Variants in RBM33 observed in about 807,000 individuals in gnomAD.
RBM33 encodes the protein RNA-binding protein 33.
In RBM33, 28 loss-of-function variants were observed where a neutral mutation model predicts 132.6. That is an observed-to-expected ratio of 0.21 (90% CI 0.16 to 0.29). The LOEUF (loss-of-function observed/expected upper bound fraction) is 0.29, where lower values mean the gene tolerates loss of function less well. Among genes scored for constraint, RBM33 ranks in the 10% least tolerant of loss-of-function variants. The pLI, the probability that RBM33 is intolerant of heterozygous loss-of-function variation, is 1.00. For missense variants in RBM33, 1,291 were observed against 1,518.5 expected, an observed-to-expected ratio of 0.85 and a Z score of 2.49; for synonymous variants, 634 against 593.0, an observed-to-expected ratio of 1.07 and a Z score of -1.01.
At chr7:155,710,026 C>T (rs1800235171) in intron 7 of RBM33, among the ~76,000 whole-genome samples, 5 of 152,200 alleles carry the variant, frequency 3.3e-5, no homozygotes, top group Admixed American at 2.0e-4. Context: ...TCTTTACCCT[C>T]GTTCATCTCA....
intron 9 of RBM33, among the ~76,000 whole-genome samples, chr7:155,725,080 G>T (rs1385167320): frequency 6.6e-6 from 1 of 151,328 alleles, no homozygotes; most frequent in African/African-American, 2.4e-5. Context: ...AAATGCCTAG[G>T]AGTGGATTGT....
intron 13 of RBM33, among the ~76,000 whole-genome samples, chr7:155,744,081 C>T (rs1040907630): frequency 2.0e-5 from 3 of 152,124 alleles, no homozygotes; most frequent in Non-Finnish European, 2.9e-5. Context: ...GGGCACCAGC[C>T]GACTCCTCAG....
intron 9 of RBM33, among the ~76,000 whole-genome samples, chr7:155,720,188 T>G (rs1800577972): frequency 6.6e-6 from 1 of 152,214 alleles, no homozygotes; most frequent in African/African-American, 2.4e-5. Context: ...ATAGTTGGGC[T>G]AGAAATGAGC....
In RBM33 at chr7:155,665,042, A is replaced by G. The variant is rs138657946; in HGVS notation, c.44-133A>G. On this transcript the variant is annotated intron_variant, in intron 1 of 17. Transcript: ENST00000401878. ...TTAAAAATGGCTAAAGTAAAATGATAGTTACATATGAAACTTTTGTAATTT... is the reference window on the plus strand; with the variant it reads ...TTAAAAATGGCTAAAGTAAAATGATGGTTACATATGAAACTTTTGTAATTT... The G allele has an allele frequency of 7.4e-5, 46 of 625,804 alleles. No individual in the cohort carries two copies. The East Asian group carries it at 1.4e-3, about 18-fold the overall frequency. The allele number at this position is 625,804 out of a possible 1,614,324, so 38.8% of individuals were successfully genotyped here.
rs374766625 is a variant in RBM33 at position 155,707,481 on chromosome 7, C to G, written c.948+413C>G. On this transcript the variant is annotated intron_variant, in intron 7 of 17. Coordinates refer to ENST00000401878, the MANE Select transcript of RBM33 (RefSeq NM_053043.3). ...ATATCTTTACCTTTTTACTGTTTACCATAGATTTTTTCCTTAAATGGCAGT... is the reference window on the plus strand; with the variant it reads ...ATATCTTTACCTTTTTACTGTTTACGATAGATTTTTTCCTTAAATGGCAGT... 22 of 335,522 alleles carry G rather than the reference C, an allele frequency of 6.6e-5. 1 individual carries two copies. The East Asian group carries it at 1.2e-3, about 18-fold the overall frequency. 20.8% of individuals were successfully genotyped at this position (335,522 alleles called of 1,614,324 possible).
rs577680049 is a variant in RBM33, at chr7:155,771,824, C to G, written c.3376-2735C>G. ...CTGTGATCATGATTCACTGCAACCT[C>G]CACCTGCTGGGCTCAAGGGATCCTT... On this transcript the variant is annotated intron_variant, in intron 16 of 17. Coordinates refer to ENST00000401878, the MANE Select transcript of RBM33 (RefSeq NM_053043.3). Among the ~76,000 whole-genome samples the G allele has an allele frequency of 2.0e-5, 3 of 152,218 alleles. No individual in the cohort carries two copies. In the East Asian group the frequency reaches 5.8e-4, roughly 29 times the overall value.
chr7:155,779,146 C>T lies in RBM33; in HGVS notation c.*4105C>T, dbSNP rs1290474510. The T allele has an allele frequency of 2.6e-5, 4 of 151,400 alleles. No homozygotes were observed. Among genetic ancestry groups the T allele is most frequent in the South Asian group, 2.1e-4 (1 of 4,776 alleles). The allele number at this position is 151,400 out of a possible 1,614,324, so 9.4% of individuals were successfully genotyped here. A position where few individuals can be genotyped will look rare whatever the true frequency, so the allele number is the denominator to read the frequency against. The stretch of plus-strand genomic sequence containing the variant: ...GGCCTCAGCTATGGCTTGACGTAAT[C>T]GCTTTTAGACCCAGGTTGGCTTCCC... On this transcript the variant is annotated 3_prime_UTR_variant, in exon 18 of 18. Transcript: ENST00000401878.
At chr7:155,705,585 T>C (rs1415811654) in intron 6 of RBM33, among the ~76,000 whole-genome samples, 9 of 152,304 alleles carry the variant, frequency 5.9e-5, no homozygotes, top group Admixed American at 2.6e-4. Context: ...TCTGGTAATA[T>C]TGAAAGCGTA....
intron 15 of RBM33, 103 bp from the exon 16 acceptor site, chr7:155,766,364 A>G: frequency 2.4e-6 from 3 of 1,271,358 alleles, no homozygotes; most frequent in Non-Finnish European, 2.2e-6. Flanking sequence ...AGCTCATGGT[A>G]TATTTTAATG....
rs1050647087 is a variant in RBM33, at chr7:155,745,728, C to T, written c.2979+126C>T. The T allele has an allele frequency of 5.6e-5, 53 of 939,406 alleles. No individual in the cohort carries two copies. The Middle Eastern group carries it at 9.9e-4, about 17-fold the overall frequency. The allele number at this position is 939,406 out of a possible 1,614,324, so 58.2% of individuals were successfully genotyped here. A position where few individuals can be genotyped will look rare whatever the true frequency, so the allele number is the denominator to read the frequency against. ...TCTGTTATAGTCTTGTAACCAATCT[C>T]TACCTACTTGAAGTTGGTATAAGAA... On this transcript the variant is annotated intron_variant, in intron 14 of 17. Coordinates refer to ENST00000401878, the MANE Select transcript of RBM33 (RefSeq NM_053043.3). The surrounding 1 kb of genome is among the most constrained non-coding windows in gnomAD (Gnocchi z 4.1).
At chr7:155,712,249 A>T (rs1423289498) in intron 8 of RBM33, among the ~76,000 whole-genome samples, 1 of 152,210 alleles carries the variant, frequency 6.6e-6, no homozygotes, top group East Asian at 1.9e-4. Context: ...AGTTGTTGTA[A>T]TCAAATAAAT....
In RBM33 at chr7:155,741,987, G is replaced by A. The variant is rs746156964; in HGVS notation, c.2218G>A (p.Ala740Thr). ...PSAQVKPIVS[A>T]SPPSRAVAGS... Reference sequence around the variant, plus strand: ...AGCACAAGTGAAACCTATCGTCAGCGCGTCACCACCCTCGCGGGCCGTGGC... The same window carrying A: ...AGCACAAGTGAAACCTATCGTCAGCACGTCACCACCCTCGCGGGCCGTGGC... Residue 740 changes from alanine (A) to threonine (T), a missense_variant, in exon 13 of 18, where the codon GCG becomes ACG. Transcript: ENST00000401878. The A allele has an allele frequency of 3.1e-6, 5 of 1,613,986 alleles. No individual in the cohort carries two copies. The highest frequency in any genetic ancestry group is 4.2e-6 in the Non-Finnish European group (5 of 1,179,894).
rs531491500 is a variant in RBM33, at chr7:155,760,192, T to C, written c.2980-3620T>C. ...AAGCTGAACAAGAGATTCACTGGGG[T>C]CTAAACCACTGGCTTCTCTCAAGCA... On this transcript the variant is annotated intron_variant, in intron 14 of 17. Coordinates refer to ENST00000401878, the MANE Select transcript of RBM33 (RefSeq NM_053043.3). Among the ~76,000 whole-genome samples, 27 of 152,292 alleles carry C rather than the reference T, an allele frequency of 1.8e-4. No individual in the cohort carries two copies. The South Asian group carries it at 5.2e-3, about 29-fold the overall frequency.
In RBM33 at chr7:155,665,377, C is replaced by G. The variant is rs1798774368; in HGVS notation, c.122+124C>G. ...ACCTGGCGCTCTCTCTTGAGTGGGG[C>G]TGTCCCTCCTGAGCTAAAGTGAAGC... is the stretch of plus-strand genomic sequence containing the variant. On this transcript the variant is annotated intron_variant, in intron 2 of 17. Coordinates refer to ENST00000401878, the MANE Select transcript of RBM33 (RefSeq NM_053043.3). 3.9e-6 allele frequency: 3 copies of G among 762,830 alleles called. No individual in the cohort carries two copies. The Admixed American group carries it at 6.3e-5, about 16-fold the overall frequency. 47.3% of individuals were successfully genotyped at this position (762,830 alleles called of 1,614,324 possible). A position where few individuals can be genotyped will look rare whatever the true frequency, so the allele number is the denominator to read the frequency against.
chr7:155,772,620 A>G lies in RBM33; in HGVS notation c.3376-1939A>G, dbSNP rs115124410. On this transcript the variant is annotated intron_variant, in intron 16 of 17. Transcript: ENST00000401878. Reference sequence around the variant, plus strand: ...TGTTAACTTAATGACAAGTGAAACTATCAAATTTCTTTTGTATTCATTTTT... The same window carrying G: ...TGTTAACTTAATGACAAGTGAAACTGTCAAATTTCTTTTGTATTCATTTTT... Among the ~76,000 whole-genome samples, 693 of 152,334 alleles carry G rather than the reference A, an allele frequency of 4.5e-3. 9 individuals are homozygous for G. Among genetic ancestry groups the G allele is most frequent in the African/African-American group, 0.016 (651 of 41,580 alleles).
intron 5 of RBM33, among the ~76,000 whole-genome samples, chr7:155,681,528 A>C (rs928737728): frequency 6.6e-6 from 1 of 152,054 alleles, no homozygotes; most frequent in Non-Finnish European, 1.5e-5. Flanking sequence ...AAAATGTACT[A>C]GTGTAAGATT....
rs1464015452 is a variant in RBM33, at chr7:155,777,546, A to C, written c.*2505A>C. On this transcript the variant is annotated 3_prime_UTR_variant, in exon 18 of 18. Coordinates refer to ENST00000401878, the MANE Select transcript of RBM33 (RefSeq NM_053043.3). ...AGGTGTTTGGTATGCTGCTCACGTG[A>C]AGTCAGCCCACACCAGCCAAACCCT... is the stretch of plus-strand genomic sequence containing the variant. 6.6e-6 allele frequency: 1 copy of C among 152,344 alleles called. No homozygotes were observed. The highest frequency in any genetic ancestry group is 2.4e-5 in the African/African-American group (1 of 41,458). 9.4% of individuals were successfully genotyped at this position (152,344 alleles called of 1,614,324 possible). A position where few individuals can be genotyped will look rare whatever the true frequency, so the allele number is the denominator to read the frequency against.
chr7:155,694,554 G>T (rs1230268166), intron 5 of RBM33, among the ~76,000 whole-genome samples: 1 of 152,192 alleles, frequency 6.6e-6, no homozygotes, highest in East Asian at 1.9e-4. Context: ...GGTTGATAAG[G>T]AACAGTTCCA....
chr7:155,738,368 C>T lies in RBM33; in HGVS notation c.1702C>T (p.Pro568Ser). Residue 568 changes from proline (P) to serine (S), a missense_variant, in exon 11 of 18, where the codon CCG becomes TCG. By Grantham distance (74) the Pro-to-Ser change is moderately conservative. Transcript: ENST00000401878. ...GCCGTTCCTGCCAGGCCCAGGACAGCCGTTTCTGCCCACACACACACAGCC... is the reference window on the plus strand; with the variant it reads ...GCCGTTCCTGCCAGGCCCAGGACAGTCGTTTCTGCCCACACACACACAGCC... ...RQPFLPGPGQPFLPTHTQPNL... is the reference protein window; with the variant it reads ...RQPFLPGPGQSFLPTHTQPNL... The T allele has an allele frequency of 1.2e-6, 2 of 1,613,844 alleles. No homozygotes were observed. The highest frequency in any genetic ancestry group is 1.7e-6 in the Non-Finnish European group (2 of 1,179,780).
Sources: gnomAD v4.1 joint callset for allele counts (sites outside exome capture counted in the v4.1 genomes callset) on GRCh38, gnomAD v4.1.1 for gene constraint, Gnocchi (gnomAD v3.1) non-coding constraint, MANE v1.5 for transcripts, NCBI Gene and HGNC (gene_info 2026-07-23, HGNC 2026-07-21) for gene names.